The following EYA4 variants were observed in gnomAD, a reference collection of about 807,000 sequenced individuals.
EYA4 encodes the protein protein phosphatase EYA4.
Under a neutral mutation model 87.9 loss-of-function variants are expected in EYA4, and 31 were observed. The observed-to-expected ratio is 0.35, with a 90% CI of 0.27 to 0.48. The LOEUF is 0.48. EYA4 is among the 20% of genes least tolerant of loss of function. EYA4 has a pLI of 0.99. For missense variants in EYA4, 678 were observed against 761.4 expected (o/e 0.89, Z 1.29); for synonymous variants, 263 against 270.6 (o/e 0.97, Z 0.28).
At chr6:133,379,592 T>C (rs914290334) in intron 2 of EYA4, among the ~76,000 whole-genome samples, 1 of 152,154 alleles carries the variant, frequency 6.6e-6, no homozygotes, top group African/African-American at 2.4e-5. Flanking sequence ...AACACTTCAA[T>C]CAATTACAAT....
At position 133,259,385 on chromosome 6, in the gene EYA4, A is replaced by G. The variant is rs574065016; in HGVS notation, c.-65-15331A>G. 5.3e-5 allele frequency among the ~76,000 whole-genome samples: 8 copies of G among 152,306 alleles called. No homozygotes were observed. In the South Asian group the frequency reaches 1.0e-3, roughly 20 times the overall value. ...TCAAAACACCAAATGTATTTGATAC[A>G]TTATTTTCTGAATTCTTACAACTTC... On this transcript the variant is annotated intron_variant, in intron 1 of 19. Coordinates refer to ENST00000355286, the MANE Select transcript of EYA4 (RefSeq NM_004100.5).
At chr6:133,306,288 G>A (rs1187818132) in intron 2 of EYA4, among the ~76,000 whole-genome samples, 1 of 152,152 alleles carries the variant, frequency 6.6e-6, no homozygotes, top group African/African-American at 2.4e-5. Flanking sequence ...TTGCTGAGTA[G>A]ATCACCCCAA....
intron 1 of EYA4, among the ~76,000 whole-genome samples, chr6:133,253,293 C>A (rs917024782): frequency 6.6e-6 from 1 of 151,972 alleles, no homozygotes; most frequent in Non-Finnish European, 1.5e-5. Context: ...GAAGGCACAG[C>A]GAACCACAGG....
chr6:133,383,545 A>AAAAAAAAAG (rs1312860441), intron 3 of EYA4, among the ~76,000 whole-genome samples: 1 of 149,504 alleles, frequency 6.7e-6, no homozygotes, highest in Non-Finnish European at 1.5e-5. Flanking sequence ...AAAAAAAAAA[A>AAAAAAAAAG]TGTAATGGCC....
intron 3 of EYA4, among the ~76,000 whole-genome samples, chr6:133,405,098 A>G (rs1404462707): frequency 6.6e-6 from 1 of 151,930 alleles, no homozygotes; most frequent in Non-Finnish European, 1.5e-5. Context: ...TGCCTTTTCC[A>G]TCCACTCCTT....
rs1224572693 is a variant in EYA4, at chr6:133,530,951, C to CGTT, written c.*2146_*2147insGTT. 2.5e-6 allele frequency: 3 copies of CGTT among 1,221,276 alleles called. No individual in the cohort carries two copies. The highest frequency in any genetic ancestry group is 3.2e-5 in the South Asian group (1 of 31,386). 75.7% of individuals were successfully genotyped at this position (1,221,276 alleles called of 1,614,324 possible). The stretch of plus-strand genomic sequence containing the variant: ...TATCAGTACTTAATTATGTTGTGCA[C>CGTT]TAAAACCTTAAATATTTATTACTGT... On this transcript the variant is annotated 3_prime_UTR_variant, in exon 20 of 20. Coordinates refer to ENST00000355286, the MANE Select transcript of EYA4 (RefSeq NM_004100.5).
chr6:133,447,966 G>A, intron 4 of EYA4, 145 bp from the exon 5 acceptor site: 1 of 693,100 alleles, frequency 1.4e-6, no homozygotes, highest in South Asian at 1.5e-5. Context: ...AACTAAAACA[G>A]ACCTGATAAA....
At chr6:133,344,645 G>A (rs752082937) in intron 2 of EYA4, among the ~76,000 whole-genome samples, 5 of 152,008 alleles carry the variant, frequency 3.3e-5, no homozygotes, top group African/African-American at 7.2e-5. Context: ...TTATTTTGAT[G>A]TTAATATTAT....
intron 3 of EYA4, among the ~76,000 whole-genome samples, chr6:133,406,142 C>T (rs1300745885): frequency 6.6e-6 from 1 of 151,988 alleles, no homozygotes; most frequent in Non-Finnish European, 1.5e-5. Context: ...TACTAATTGA[C>T]CAGGCAGTTA....
intron 1 of EYA4, among the ~76,000 whole-genome samples, chr6:133,269,649 A>G (rs1466519605): frequency 6.6e-6 from 1 of 152,244 alleles, no homozygotes; most frequent in Non-Finnish European, 1.5e-5. Flanking sequence ...AATTGAAGAA[A>G]TTAAGACCAT....
At chr6:133,437,678 A>G (rs539879802) in intron 3 of EYA4, among the ~76,000 whole-genome samples, 1 of 152,290 alleles carries the variant, frequency 6.6e-6, no homozygotes, top group South Asian at 2.1e-4. Flanking sequence ...GCTTCAGGAA[A>G]CTTATAATTA....
chr6:133,469,674 TATGCAAAA>T (rs1332626336), intron 11 of EYA4, among the ~76,000 whole-genome samples: 1 of 151,938 alleles, frequency 6.6e-6, no homozygotes, highest in Non-Finnish European at 1.5e-5. Flanking sequence ...TCTCAACTTA[TATGCAAAA>T]ATTAACTCCA....
intron 3 of EYA4, 80 bp from the exon 4 acceptor site, chr6:133,446,550 T>G: frequency 6.6e-7 from 1 of 1,507,124 alleles, no homozygotes; most frequent in Non-Finnish European, 9.2e-7. Context: ...GATCACGTGG[T>G]CAATAGAATA....
intron 3 of EYA4, among the ~76,000 whole-genome samples, chr6:133,402,548 GT>G (rs1364018389): frequency 6.6e-6 from 1 of 152,142 alleles, no homozygotes; most frequent in Non-Finnish European, 1.5e-5. Context: ...ACATTGTTTT[GT>G]TACCAACACA....
At chr6:133,524,914 C>T in intron 18 of EYA4, 9 of 980,052 alleles carry the variant, frequency 9.2e-6, no homozygotes, top group South Asian at 2.6e-5. Flanking sequence ...AGGTTGTGAG[C>T]CAGTTCAAGT....
chr6:133,420,616 C>A (rs988184715), intron 3 of EYA4, among the ~76,000 whole-genome samples: 2 of 152,236 alleles, frequency 1.3e-5, no homozygotes, highest in African/African-American at 2.4e-5. Context: ...CTTGAATTTA[C>A]CTTTGCTTAT....
intron 3 of EYA4, among the ~76,000 whole-genome samples, chr6:133,443,628 C>T (rs1023487563): frequency 6.6e-6 from 1 of 151,912 alleles, no homozygotes; most frequent in Non-Finnish European, 1.5e-5. Context: ...ATTTTAAATC[C>T]TTCTTCTTTT....
At chr6:133,493,354 T>C (rs1797353766) in intron 13 of EYA4, among the ~76,000 whole-genome samples, 1 of 152,106 alleles carries the variant, frequency 6.6e-6, no homozygotes, top group African/African-American at 2.4e-5. Flanking sequence ...GAGAGAACAG[T>C]CTCTTCAATA....
chr6:133,495,761 T>A (rs938790362), intron 13 of EYA4, among the ~76,000 whole-genome samples: 2 of 152,134 alleles, frequency 1.3e-5, no homozygotes, highest in African/African-American at 4.8e-5. Context: ...GAGCACAGAT[T>A]GCTGCGTTAC....
Sources: gnomAD v4.1 joint callset for allele counts (sites outside exome capture counted in the v4.1 genomes callset) on GRCh38, gnomAD v4.1.1 for gene constraint, MANE v1.5 for transcripts, NCBI Gene and HGNC (gene_info 2026-07-23, HGNC 2026-07-21) for gene names.